Variants in CCDC3 observed in about 807,000 individuals in gnomAD.
CCDC3 encodes the protein coiled-coil domain-containing protein 3.
CCDC3 carries 24 observed loss-of-function variants against 21.4 expected under a neutral mutation model. That is an observed-to-expected ratio of 1.12 (90% CI 0.81 to 1.58). The LOEUF (loss-of-function observed/expected upper bound fraction) is 1.58. Ranked by LOEUF, CCDC3 falls within the 40% of genes most tolerant of loss-of-function variation. CCDC3 has a pLI of 0.00. For missense variants in CCDC3, 425 were observed against 360.9 expected (o/e 1.18, Z -1.44); for synonymous variants, 186 against 166.0 (o/e 1.12, Z -0.93).
rs55772750 is a variant in CCDC3, at chr10:12,904,468, T to TAAA, written c.550-5792_550-5790dup. Among the ~76,000 whole-genome samples the TAAA allele has an allele frequency of 1.3e-3, 52 of 40,908 alleles. 4 individuals carry two copies. The highest frequency in any genetic ancestry group is 3.8e-3 in the African/African-American group (42 of 11,060). The allele number at this position is 40,908 out of a possible 152,430, so 26.8% of individuals were successfully genotyped here. On this transcript the variant is annotated intron_variant, in intron 2 of 2. Coordinates refer to ENST00000378825, the MANE Select transcript of CCDC3 (RefSeq NM_031455.4). The stretch of plus-strand genomic sequence containing the variant: ...TAAGTTACAGAGCAAAAGCCAGTCT[T>TAAA]AAAAAAAAAAAAAAAAAAAAAAAGA...
chr10:13,091,168 G>A (rs896245086), intron 3 of CCDC3, among the ~76,000 whole-genome samples: 3 of 151,308 alleles, frequency 2.0e-5, no homozygotes, highest in Admixed American at 6.6e-5. Context: ...TTGAGGGTGG[G>A]CCTGCCTCTC....
intron 2 of CCDC3, among the ~76,000 whole-genome samples, chr10:12,944,717 AC>A (rs1323631432): frequency 1.1e-4 from 16 of 152,174 alleles, no homozygotes; most frequent in Non-Finnish European, 8.8e-5. Context: ...CAGACTCATA[AC>A]TTTTCCTACC....
At chr10:12,965,692 G>A (rs145779898) in intron 2 of CCDC3, among the ~76,000 whole-genome samples, 8 of 152,164 alleles carry the variant, frequency 5.3e-5, no homozygotes, top group Non-Finnish European at 8.8e-5. Context: ...TTTGTCATTC[G>A]TTGTTAATGC....
intron 2 of CCDC3, among the ~76,000 whole-genome samples, chr10:12,901,802 G>C (rs1037335423): frequency 5.3e-5 from 8 of 152,190 alleles, no homozygotes; most frequent in African/African-American, 1.9e-4. Flanking sequence ...TCCAGTCTTA[G>C]TGTTCTTCCT....
At chr10:12,995,097 A>T (rs879308870) in intron 2 of CCDC3, among the ~76,000 whole-genome samples, 98 of 152,258 alleles carry the variant, frequency 6.4e-4, no homozygotes, top group Non-Finnish European at 1.2e-3. Flanking sequence ...AAAAAAAAAA[A>T]AAAGAAGCAA....
intron 2 of CCDC3, among the ~76,000 whole-genome samples, chr10:12,916,750 G>T (rs1834364395): frequency 6.6e-6 from 1 of 152,232 alleles, no homozygotes; most frequent in Non-Finnish European, 1.5e-5. Context: ...CCTGAAGTCT[G>T]GGGCCATGAG....
intron 4 of CCDC3, among the ~76,000 whole-genome samples, chr10:13,052,937 G>GACAC (rs1836627480): frequency 9.2e-6 from 1 of 108,504 alleles, no homozygotes; most frequent in Non-Finnish European, 1.9e-5. Context: ...TTGAGACTCT[G>GACAC]TCACACACAC....
At chr10:13,009,185 A>G (rs1194642697) in intron 5 of CCDC3, among the ~76,000 whole-genome samples, 3 of 152,248 alleles carry the variant, frequency 2.0e-5, no homozygotes, top group East Asian at 1.9e-4. Context: ...ATCAAAATAT[A>G]TGAAATACTT....
chr10:13,075,021 T>C (rs1371896175), intron 3 of CCDC3, among the ~76,000 whole-genome samples: 1 of 152,160 alleles, frequency 6.6e-6, no homozygotes, highest in Admixed American at 6.6e-5. Flanking sequence ...CTGCTGGACA[T>C]GGACAAACAA....
chr10:13,000,019 CA>C (rs2131287008), intron 1 of CCDC3, among the ~76,000 whole-genome samples: 1 of 152,294 alleles, frequency 6.6e-6, no homozygotes, highest in East Asian at 1.9e-4. Context: ...ATTCTGGCTT[CA>C]ATATGGAAAA....
intron 5 of CCDC3, among the ~76,000 whole-genome samples, chr10:13,020,987 T>A (rs1158332061): frequency 6.6e-6 from 1 of 152,256 alleles, no homozygotes; most frequent in East Asian, 1.9e-4. Context: ...AATGAATGAA[T>A]GAATCAATAT....
chr10:12,929,997 T>A (rs1834614881), intron 2 of CCDC3, among the ~76,000 whole-genome samples: 1 of 152,230 alleles, frequency 6.6e-6, no homozygotes, highest in Admixed American at 6.5e-5. Flanking sequence ...AATTTTTTTA[T>A]GAGTAGATTA....
At chr10:13,067,210 G>A (rs1836830525) in intron 4 of CCDC3, among the ~76,000 whole-genome samples, 1 of 152,214 alleles carries the variant, frequency 6.6e-6, no homozygotes, top group Admixed American at 6.5e-5. Flanking sequence ...CCAGGGTTGG[G>A]GTGCATGGCC....
intron 5 of CCDC3, among the ~76,000 whole-genome samples, chr10:13,048,665 A>G (rs1836563939): frequency 1.3e-5 from 2 of 152,182 alleles, no homozygotes; most frequent in African/African-American, 4.8e-5. Flanking sequence ...CAGGAACTTG[A>G]AGGTGTTTCC....
intron 2 of CCDC3, among the ~76,000 whole-genome samples, chr10:12,930,248 A>G (rs1187119524): frequency 6.6e-6 from 1 of 151,448 alleles, no homozygotes; most frequent in Non-Finnish European, 1.5e-5. Flanking sequence ...ATGATGTAAT[A>G]TTTTTACATT....
intron 5 of CCDC3, among the ~76,000 whole-genome samples, chr10:13,045,946 G>T (rs545490843): frequency 1.3e-5 from 2 of 151,614 alleles, no homozygotes; most frequent in Non-Finnish European, 2.9e-5. Flanking sequence ...AAAATTAGCC[G>T]GGTGCGGTGG....
chr10:12,948,232 G>A (rs992714472), intron 2 of CCDC3, among the ~76,000 whole-genome samples: 16 of 152,110 alleles, frequency 1.1e-4, no homozygotes, highest in African/African-American at 2.9e-4. Context: ...CTCTTCCTTC[G>A]CCTTCCACCA....
chr10:12,908,573 G>GGGTCAGTGC (rs1197995625), intron 2 of CCDC3, among the ~76,000 whole-genome samples: 1 of 151,506 alleles, frequency 6.6e-6, no homozygotes, highest in African/African-American at 2.4e-5. Context: ...GTAGAAGGGT[G>GGGTCAGTGC]CTGAAATCAC....
At chr10:12,932,282 A>G (rs1001234540) in intron 2 of CCDC3, among the ~76,000 whole-genome samples, 1 of 152,242 alleles carries the variant, frequency 6.6e-6, no homozygotes, top group African/African-American at 2.4e-5. Flanking sequence ...TAAAAAATGC[A>G]TTTAATACAT....
Sources: allele counts gnomAD v4.1 joint callset (sites outside exome capture counted in the v4.1 genomes callset), GRCh38; gene constraint gnomAD v4.1.1; transcripts MANE v1.5; gene names NCBI Gene and HGNC (gene_info 2026-07-23, HGNC 2026-07-21).